The following WARS2 variants were observed in gnomAD, a reference collection of about 807,000 sequenced individuals.
WARS2 encodes tryptophan--tRNA ligase, mitochondrial.
A neutral mutation model predicts 36.5 loss-of-function variants in WARS2; 28 were observed. The observed-to-expected ratio is 0.77, with a 90% CI of 0.57 to 1.05. The LOEUF (loss-of-function observed/expected upper bound fraction) is 1.05, where lower values mean the gene tolerates loss of function less well. Ranked by LOEUF, WARS2 falls within the 50% of genes least tolerant of loss-of-function variation. WARS2 has a pLI of 0.00. For synonymous variants in WARS2, 174 were observed against 178.4 expected, an observed-to-expected ratio of 0.98 and a Z score of 0.20; for missense variants, 435 against 456.8, an observed-to-expected ratio of 0.95 and a Z score of 0.44.
At chr1:119,036,310 A>G (rs1156946996) in intron 4 of WARS2, among the ~76,000 whole-genome samples, 2 of 152,258 alleles carry the variant, frequency 1.3e-5, no homozygotes, top group African/African-American at 4.8e-5. Context: ...AGCCTGGAGT[A>G]GAAAGCCACT....
At chr1:119,058,493 A>G (rs1571293505) in intron 2 of WARS2, among the ~76,000 whole-genome samples, 1 of 118,214 alleles carries the variant, frequency 8.5e-6, no homozygotes, top group East Asian at 2.6e-4. Flanking sequence ...AGAGTGTGAT[A>G]TTCCCCTTCC....
At chr1:119,119,325 A>T (rs1304251941) in intron 1 of WARS2, among the ~76,000 whole-genome samples, 2 of 152,094 alleles carry the variant, frequency 1.3e-5, no homozygotes, top group African/African-American at 4.8e-5. Flanking sequence ...AGACAAACAG[A>T]GACATTATAT....
At chr1:119,133,586 T>G (rs587687287) in intron 1 of WARS2, among the ~76,000 whole-genome samples, 212 of 152,336 alleles carry the variant, frequency 1.4e-3, no homozygotes, top group Non-Finnish European at 2.4e-3. Flanking sequence ...GAGGATTAAA[T>G]GAGTTAATGA....
chr1:119,043,908 T>C (rs995427474), intron 3 of WARS2, among the ~76,000 whole-genome samples: 2 of 152,172 alleles, frequency 1.3e-5, no homozygotes, highest in Non-Finnish European at 1.5e-5. Flanking sequence ...CCCACCCTTC[T>C]GTGCCACTAT....
intron 2 of WARS2, among the ~76,000 whole-genome samples, chr1:119,065,478 A>G (rs547954155): frequency 4.5e-4 from 68 of 151,968 alleles, no homozygotes; most frequent in Non-Finnish European, 8.4e-4. Flanking sequence ...CTAGATAAGA[A>G]TACAAAAATT....
In WARS2 at chr1:119,122,631, T is replaced by C. The variant is rs587705749; in HGVS notation, c.90+17924A>G. 2.6e-5 allele frequency among the ~76,000 whole-genome samples: 4 copies of C among 152,230 alleles called. No homozygotes were observed. The East Asian group carries it at 5.8e-4, about 22-fold the overall frequency. ...AGCACAATTCACAATTGCAAAAATA[T>C]GGAACCAGCCTAAATGCCCATCAAC... is the stretch of plus-strand genomic sequence containing the variant. On this transcript the variant is annotated intron_variant, in intron 1 of 5. Coordinates refer to ENST00000235521, the MANE Select transcript of WARS2 (RefSeq NM_015836.4).
chr1:119,086,020 G>C, intron 1 of WARS2: 1 of 1,535,452 alleles, frequency 6.5e-7, no homozygotes, highest in South Asian at 1.2e-5. Flanking sequence ...CACATACCCT[G>C]GCTAATTTTT....
rs761800862 is a variant in WARS2 at position 119,131,458 on chromosome 1, G to GTTTTTTTTTT, written c.90+9096_90+9097insAAAAAAAAAA. ...GGATCCGGACTGTGCAAAGTTTTTT[G>GTTTTTTTTTT]TTTTTTGTTTTTTTTTTTTTTGAGA... On this transcript the variant is annotated intron_variant, in intron 1 of 5. Coordinates refer to ENST00000235521, the MANE Select transcript of WARS2 (RefSeq NM_015836.4). 6.7e-5 allele frequency among the ~76,000 whole-genome samples: 9 copies of GTTTTTTTTTT among 134,300 alleles called. 1 individual carries two copies. Among genetic ancestry groups the GTTTTTTTTTT allele is most frequent in the African/African-American group, 1.2e-4 (4 of 34,096 alleles). 88.1% of individuals were successfully genotyped at this position (134,300 alleles called of 152,430 possible). A position where few individuals can be genotyped will look rare whatever the true frequency, so the allele number is the denominator to read the frequency against.
chr1:119,081,281 G>T (rs1023370624), intron 1 of WARS2, among the ~76,000 whole-genome samples: 7 of 152,324 alleles, frequency 4.6e-5, no homozygotes, highest in African/African-American at 1.2e-4. Context: ...TATGGCAAAA[G>T]AATTTTTGTG....
intron 2 of WARS2, among the ~76,000 whole-genome samples, chr1:119,051,762 A>ATTTTT (rs527937756): frequency 6.1e-5 from 7 of 114,284 alleles, no homozygotes; most frequent in East Asian, 2.6e-4. Flanking sequence ...TCTCGCTGTA[A>ATTTTT]TTTTTTTTTT....
chr1:119,131,458 G>GTTTTTTTTTTTTTTTTTT (rs761800862), intron 1 of WARS2, among the ~76,000 whole-genome samples: 2 of 134,302 alleles, frequency 1.5e-5, no homozygotes, highest in African/African-American at 2.9e-5. Flanking sequence ...AAAGTTTTTT[G>GTTTTTTTTTTTTTTTTTT]TTTTTTGTTT....
chr1:119,065,565 G>A (rs1260863839), intron 2 of WARS2, among the ~76,000 whole-genome samples: 1 of 150,236 alleles, frequency 6.7e-6, no homozygotes, highest in Non-Finnish European at 1.5e-5. Context: ...AATCCAGAAG[G>A]CAGAGGTTGC....
chr1:119,125,726 T>C (rs887253781), intron 1 of WARS2, among the ~76,000 whole-genome samples: 1 of 152,182 alleles, frequency 6.6e-6, no homozygotes, highest in Non-Finnish European at 1.5e-5. Context: ...TGTTATTATC[T>C]TTCCACCTCT....
At chr1:119,069,892 C>T (rs1280007382) in intron 2 of WARS2, among the ~76,000 whole-genome samples, 18 of 152,128 alleles carry the variant, frequency 1.2e-4, no homozygotes, top group Non-Finnish European at 2.6e-4. Context: ...ACTTCCCCTC[C>T]ACAAGCATCT....
intron 1 of WARS2, among the ~76,000 whole-genome samples, chr1:119,112,883 G>T (rs1003634490): frequency 6.6e-6 from 1 of 152,118 alleles, no homozygotes; most frequent in African/African-American, 2.4e-5. Context: ...AGTAAGTGGG[G>T]GTTTGCTGAG....
intron 2 of WARS2, among the ~76,000 whole-genome samples, chr1:119,052,093 ATTTTTAATATTTTTTTAATT>A (rs1649414993): frequency 6.6e-6 from 1 of 152,046 alleles, no homozygotes; most frequent in South Asian, 2.1e-4. Context: ...AGATGGGCTA[ATTTTTAATATTTTTTTAATT>A]TCAAAAATAT....
intron 1 of WARS2, among the ~76,000 whole-genome samples, chr1:119,122,720 A>G (rs2101541449): frequency 6.6e-6 from 1 of 152,344 alleles, no homozygotes; most frequent in Non-Finnish European, 1.5e-5. Flanking sequence ...AAAGGGAATT[A>G]AATAATGGCA....
chr1:119,042,623 G>A (rs1360719601), intron 3 of WARS2, among the ~76,000 whole-genome samples: 1 of 151,960 alleles, frequency 6.6e-6, no homozygotes, highest in East Asian at 1.9e-4. Flanking sequence ...TTTTATTAAA[G>A]TAAGGATACA....
At chr1:119,107,344 T>C (rs1488071705) in intron 1 of WARS2, among the ~76,000 whole-genome samples, 1 of 152,146 alleles carries the variant, frequency 6.6e-6, no homozygotes, top group Non-Finnish European at 1.5e-5. Context: ...CATTTATGGA[T>C]GTCACTGCTA....
Sources: gnomAD v4.1 joint callset for allele counts (sites outside exome capture counted in the v4.1 genomes callset) on GRCh38, gnomAD v4.1.1 for gene constraint, MANE v1.5 for transcripts, NCBI Gene and HGNC (gene_info 2026-07-23, HGNC 2026-07-21) for gene names.